SLC44A5: variants seen among roughly 807,000 people sequenced by gnomAD.
The protein encoded by SLC44A5 is choline transporter-like protein 5.
Under a neutral mutation model 101.8 loss-of-function variants are expected in SLC44A5, and 57 were observed. The observed-to-expected ratio is 0.56, with a 90% CI of 0.45 to 0.70. The LOEUF (loss-of-function observed/expected upper bound fraction) is 0.70, where lower values mean the gene tolerates loss of function less well. Among genes scored for constraint, SLC44A5 ranks in the 30% least tolerant of loss-of-function variants. SLC44A5 has a pLI of 0.00. For synonymous variants in SLC44A5, 281 were observed against 290.9 expected (o/e 0.97, Z 0.35); for missense variants, 737 against 853.1 (o/e 0.86, Z 1.70).
chr1:75,230,178 G>A (rs11162847), intron 12 of SLC44A5, among the ~76,000 whole-genome samples: 43,067 of 151,748 alleles, frequency 0.28, 6,430 homozygotes, highest in Middle Eastern at 0.36. Flanking sequence ...ATGCCTGGAC[G>A]TTTTTGTTGA....
intron 2 of SLC44A5, among the ~76,000 whole-genome samples, chr1:75,428,912 G>GT (rs950597958): frequency 3.3e-5 from 5 of 152,142 alleles, no homozygotes; most frequent in East Asian, 1.9e-4. Flanking sequence ...AAGAGTCTTA[G>GT]TTTTTTTGTC....
chr1:75,373,755 C>T (rs1001206103), intron 3 of SLC44A5, among the ~76,000 whole-genome samples: 28 of 152,136 alleles, frequency 1.8e-4, no homozygotes, highest in African/African-American at 5.8e-4. Flanking sequence ...TCTACTGCCC[C>T]ACCTGAGTGT....
intron 2 of SLC44A5, among the ~76,000 whole-genome samples, chr1:75,448,343 G>A (rs1308355691): frequency 2.6e-5 from 4 of 152,192 alleles, no homozygotes; most frequent in Non-Finnish European, 4.4e-5. Context: ...AAGGCACTTA[G>A]AGTCCAGGGC....
chr1:75,295,288 T>C (rs1222391668), intron 5 of SLC44A5, among the ~76,000 whole-genome samples: 2 of 152,252 alleles, frequency 1.3e-5, no homozygotes, highest in Non-Finnish European at 1.5e-5. Context: ...AAAAGTCATC[T>C]TGGAATTATC....
chr1:75,456,113 A>G (rs1246508308), intron 2 of SLC44A5, among the ~76,000 whole-genome samples: 1 of 152,156 alleles, frequency 6.6e-6, no homozygotes, highest in Non-Finnish European at 1.5e-5. Flanking sequence ...CAACCCAGAT[A>G]CCCATCAACA....
chr1:75,241,371 A>C (rs547606139), intron 9 of SLC44A5, among the ~76,000 whole-genome samples: 21 of 151,864 alleles, frequency 1.4e-4, no homozygotes, highest in Non-Finnish European at 2.8e-4. Context: ...TTACAAGTGC[A>C]CATTGCCATG....
At chr1:75,213,871 A>G (rs1180435412) in intron 21 of SLC44A5, 48 bp downstream of exon 21, 10 of 1,528,516 alleles carry the variant, frequency 6.5e-6, no homozygotes, top group Non-Finnish European at 8.0e-6. Context: ...AGTTTTTCCA[A>G]GCATCTTTTA....
intron 3 of SLC44A5, among the ~76,000 whole-genome samples, chr1:75,348,016 A>G (rs1474528557): frequency 6.6e-6 from 1 of 152,180 alleles, no homozygotes; most frequent in Non-Finnish European, 1.5e-5. Flanking sequence ...AGCATTTAAG[A>G]AAATGGATTT....
intron 2 of SLC44A5, among the ~76,000 whole-genome samples, chr1:75,419,634 C>T (rs897364270): frequency 6.6e-6 from 1 of 151,094 alleles, no homozygotes; most frequent in Admixed American, 6.6e-5. Context: ...GAAAGAGAAT[C>T]ATACCAGATA....
rs551935848 is a variant in SLC44A5 at position 75,398,511 on chromosome 1, A to G, written c.14-1890T>C. 36 of 413,000 alleles carry G rather than the reference A, an allele frequency of 8.7e-5. No individual in the cohort carries two copies. In the Admixed American group the frequency reaches 1.4e-3, roughly 16 times the overall value. 25.6% of individuals were successfully genotyped at this position (413,000 alleles called of 1,614,324 possible). On this transcript the variant is annotated intron_variant, in intron 2 of 23. Transcript: ENST00000370859. ...AATCCTCTTAACAACCATACACTGT[A>G]TCATATACCCCATTTTACACTTGAG...
chr1:75,275,234 C>T (rs1239325525), intron 5 of SLC44A5, among the ~76,000 whole-genome samples, 192 bp from the exon 6 acceptor site: 3 of 152,114 alleles, frequency 2.0e-5, no homozygotes, highest in African/African-American at 4.8e-5. Context: ...TCAGAAAGCA[C>T]ATTTCTCTTA....
the SLC44A5 span, among the ~76,000 whole-genome samples, chr1:75,665,902 T>C: frequency 2.0e-5 from 3 of 151,924 alleles, no homozygotes. Context: ...GAAATGCACA[T>C]CAAAACCACA....
At chr1:75,419,219 T>A (rs3899859) in intron 2 of SLC44A5, among the ~76,000 whole-genome samples, 14,946 of 152,020 alleles carry the variant, frequency 0.098, 907 homozygotes, top group Admixed American at 0.19. Context: ...AATTTTTTTT[T>A]AAATTGGAAT....
At chr1:75,721,027 C>T in the SLC44A5 span, among the ~76,000 whole-genome samples, 8 of 152,148 alleles carry the variant, frequency 5.3e-5, no homozygotes, top group Non-Finnish European at 1.5e-5. Flanking sequence ...AGGAAGCCTT[C>T]AGGTGAGAAC....
chr1:75,338,137 G>A (rs1427671907), intron 4 of SLC44A5, among the ~76,000 whole-genome samples: 1 of 152,158 alleles, frequency 6.6e-6, no homozygotes, highest in Admixed American at 6.5e-5. Context: ...TGAAGGCAGA[G>A]GAAGGTCTGC....
intron 2 of SLC44A5, among the ~76,000 whole-genome samples, chr1:75,409,065 G>A (rs993785285): frequency 2.0e-5 from 3 of 152,136 alleles, no homozygotes; most frequent in African/African-American, 4.8e-5. Flanking sequence ...GCAGCTGGAG[G>A]CCATTATCCT....
intron 3 of SLC44A5, among the ~76,000 whole-genome samples, chr1:75,368,464 A>G (rs1660005572): frequency 6.6e-6 from 1 of 152,208 alleles, no homozygotes; most frequent in African/African-American, 2.4e-5. Context: ...GAACCCGTAA[A>G]CACCAAAGGT....
intron 3 of SLC44A5, among the ~76,000 whole-genome samples, chr1:75,383,493 G>T (rs1375742518): frequency 6.6e-6 from 1 of 152,058 alleles, no homozygotes; most frequent in African/African-American, 2.4e-5. Context: ...AAGCGAGAAG[G>T]GAAGTTTAGA....
intron 1 of SLC44A5, among the ~76,000 whole-genome samples, chr1:75,575,724 C>A (rs150005737): frequency 1.3e-5 from 2 of 152,138 alleles, no homozygotes; most frequent in African/African-American, 4.8e-5. Flanking sequence ...CAATGCAACC[C>A]AAAAAATCTG....
Sources: allele counts gnomAD v4.1 joint callset (sites outside exome capture counted in the v4.1 genomes callset), GRCh38; gene constraint gnomAD v4.1.1; transcripts MANE v1.5; gene names NCBI Gene and HGNC (gene_info 2026-07-23, HGNC 2026-07-21).